Variants in CYP4A22 observed in about 807,000 individuals in gnomAD.
CYP4A22 encodes the protein cytochrome P450 4A22.
Under a neutral mutation model 56.2 loss-of-function variants are expected in CYP4A22, and 46 were observed. That is an observed-to-expected ratio of 0.82 (90% CI 0.65 to 1.05). The LOEUF (loss-of-function observed/expected upper bound fraction) is 1.05. Among genes scored for constraint, CYP4A22 ranks in the 50% least tolerant of loss-of-function variants. The pLI is 0.00. For synonymous variants in CYP4A22, 193 were observed against 251.1 expected, an observed-to-expected ratio of 0.77 and a Z score of 2.19; for missense variants, 541 against 645.9, an observed-to-expected ratio of 0.84 and a Z score of 1.76.
intron 2 of CYP4A22, among the ~76,000 whole-genome samples, chr1:47,141,260 C>A (rs1309633979): frequency 6.6e-6 from 1 of 152,168 alleles, no homozygotes; most frequent in Non-Finnish European, 1.5e-5. Context: ...CTGTCCTGGT[C>A]AGGAGGTGAC....
chr1:47,141,218 A>G (rs1480392075), intron 2 of CYP4A22, among the ~76,000 whole-genome samples: 1 of 152,226 alleles, frequency 6.6e-6, no homozygotes, highest in East Asian at 1.9e-4. Context: ...TCATACCCAC[A>G]TTGACTTGGG....
intron 11 of CYP4A22, 40 bp from the exon 12 acceptor site, chr1:47,148,562 C>A: frequency 6.4e-7 from 1 of 1,570,216 alleles, no homozygotes; most frequent in East Asian, 2.2e-5. Context: ...AGAATGGGGC[C>A]TGAGGACACG....
intron 11 of CYP4A22, among the ~76,000 whole-genome samples, chr1:47,147,924 G>T (rs1645093436): frequency 6.6e-6 from 1 of 152,208 alleles, no homozygotes. Context: ...AATCCAGAAA[G>T]TCCAAGTGAC....
intron 1 of CYP4A22, 54 bp downstream of exon 1, chr1:47,137,734 G>A (rs1644959980): frequency 6.5e-7 from 1 of 1,546,718 alleles, no homozygotes; most frequent in Admixed American, 2.0e-5. Context: ...GCGGCTCTGA[G>A]ACCCTGGTCA....
rs1401655572 is a variant in CYP4A22 at position 47,149,410 on chromosome 1, CTTTG to C, written c.*618_*621del. ...CACCCCCCATTCTCACCACCTGTTT[CTTTG>C]TTTGATCACCAATAAATAATCTGCA... On this transcript the variant is annotated 3_prime_UTR_variant, in exon 12 of 12. Transcript: ENST00000371891. 1.3e-5 allele frequency: 2 copies of C among 152,980 alleles called. No individual in the cohort carries two copies. The highest frequency in any genetic ancestry group is 3.9e-4 in the East Asian group (2 of 5,194). 9.5% of individuals were successfully genotyped at this position (152,980 alleles called of 1,614,324 possible). A position where few individuals can be genotyped will look rare whatever the true frequency, so the allele number is the denominator to read the frequency against.
chr1:47,141,968 G>C, intron 3 of CYP4A22, 140 bp from the exon 4 acceptor site: 3 of 1,259,802 alleles, frequency 2.4e-6, no homozygotes, highest in Non-Finnish European at 3.2e-6. Flanking sequence ...TCCTTTTCCT[G>C]CATTTGCCCA....
chr1:47,145,560 T>C (rs559759940), intron 9 of CYP4A22, among the ~76,000 whole-genome samples: 2 of 152,244 alleles, frequency 1.3e-5, no homozygotes, highest in Admixed American at 6.5e-5. Flanking sequence ...AGTGAGTTCA[T>C]GTATATTCTC....
rs532237456 is a variant in CYP4A22, at chr1:47,144,725, G to A, written c.1073G>A (p.Gly358Glu). The change falls in exon 8 of 12, where the codon GGA becomes GAA. Residue 358 changes from glycine to glutamate, a missense_variant. Physicochemically the swap from Gly to Glu is moderately conservative, Grantham distance 98 (BLOSUM62 -2). This residue lies in a region of CYP4A22 where 204 missense variants were observed against 258.9 expected (regional missense o/e 0.79). Coordinates refer to ENST00000371891, the MANE Select transcript of CYP4A22 (RefSeq NM_001010969.4). ...GAGATCCATGGCCTCCTGGGTGATG[G>A]AGCCTCCATCACCTGGTGAGTGAGG... ...REEIHGLLGDGASITWNHLDQ... is the reference protein window; with the variant it reads ...REEIHGLLGDEASITWNHLDQ... 178 of 1,613,960 alleles carry A rather than the reference G, an allele frequency of 1.1e-4. 2 individuals carry two copies. The highest frequency in any genetic ancestry group is 1.4e-5 in the Non-Finnish European group (17 of 1,179,900).
In CYP4A22 at chr1:47,137,660, C is replaced by T; in HGVS notation, c.175C>T (p.Leu59Phe). ...GTTCCCGTGCCCTCCCTCCCACTGGCTCTTCGGGCACATCCAGGAGGTAGG... is the reference window on the plus strand; with the variant it reads ...GTTCCCGTGCCCTCCCTCCCACTGGTTCTTCGGGCACATCCAGGAGGTAGG... The part of the protein sequence containing the change: ...QQFPCPPSHW[L>F]FGHIQEFQHD... Residue 59 changes from leucine to phenylalanine, a missense_variant, in exon 1 of 12, where the codon CTC becomes TTC. Leu to Phe is a conservative substitution (Grantham distance 22, BLOSUM62 0). Coordinates refer to ENST00000371891, the MANE Select transcript of CYP4A22 (RefSeq NM_001010969.4). The T allele has an allele frequency of 1.2e-6, 2 of 1,612,542 alleles. No homozygotes were observed. Among genetic ancestry groups the T allele is most frequent in the South Asian group, 1.1e-5 (1 of 90,796 alleles).
At chr1:47,138,466 C>CCGG (rs2148552458) in intron 1 of CYP4A22, among the ~76,000 whole-genome samples, 1 of 152,296 alleles carries the variant, frequency 6.6e-6, no homozygotes, top group East Asian at 1.9e-4. Flanking sequence ...TTCCTGTGCC[C>CCGG]CGGCAATCAG....
Position 47,140,805 on chromosome 1 carries a change from G to C in CYP4A22, c.221G>C (p.Arg74Pro). ...QEFQHDQELQ[R>P]IQERVKTFPS... ...TTCCAACACGACCAGGAGCTACAACGGATTCAGGAACGGGTGAAGACATTC... is the reference window on the plus strand; with the variant it reads ...TTCCAACACGACCAGGAGCTACAACCGATTCAGGAACGGGTGAAGACATTC... The change falls in exon 2 of 12, where the codon CGG (arginine) becomes CCG (proline). Residue 74 changes from arginine to proline, a missense_variant. By Grantham distance (103) the Arg-to-Pro change is moderately radical. Coordinates refer to ENST00000371891, the MANE Select transcript of CYP4A22 (RefSeq NM_001010969.4). 1 of 1,614,142 alleles carries C rather than the reference G, an allele frequency of 6.2e-7. No homozygotes were observed. Among genetic ancestry groups the C allele is most frequent in the Middle Eastern group, 1.6e-4 (1 of 6,062 alleles).
intron 11 of CYP4A22, chr1:47,147,537 A>G: frequency 9.7e-6 from 7 of 722,988 alleles, no homozygotes; most frequent in Non-Finnish European, 1.2e-5. Flanking sequence ...TCACTCATTC[A>G]CTCACTGAGT....
At chr1:47,144,111 C>T (rs575084287) in intron 6 of CYP4A22, among the ~76,000 whole-genome samples, 195 bp downstream of exon 6, 129 of 152,342 alleles carry the variant, frequency 8.5e-4, no homozygotes, top group African/African-American at 3.0e-3. Flanking sequence ...TCAATGTCCC[C>T]ACATGGAGAT....
intron 4 of CYP4A22, 72 bp from the exon 5 acceptor site, chr1:47,143,197 A>T: frequency 1.9e-6 from 3 of 1,549,840 alleles, no homozygotes; most frequent in South Asian, 1.3e-5. Context: ...CTGCAGGTAC[A>T]TGAAAAAGCC....
chr1:47,144,903 G>A lies in CYP4A22; in HGVS notation c.1155G>A (p.Pro385=), dbSNP rs779058871. The A allele has an allele frequency of 2.0e-5, 33 of 1,614,032 alleles. No individual in the cohort carries two copies. The highest frequency in any genetic ancestry group is 4.4e-5 in the South Asian group (4 of 91,080). The change falls in exon 9 of 12, where the codon CCG becomes CCA. Residue 385 remains proline (P), a synonymous_variant. Transcript: ENST00000371891. ...CIKEALRLYP[P]VPGIGRELST... Reference sequence around the variant, plus strand: ...AGGAGGCACTGAGGCTCTACCCACCGGTGCCAGGCATTGGAAGAGAGCTCA... The same window carrying A: ...AGGAGGCACTGAGGCTCTACCCACCAGTGCCAGGCATTGGAAGAGAGCTCA...
chr1:47,140,753 T>C, intron 1 of CYP4A22, 27 bp from the exon 2 acceptor site: 1 of 1,613,196 alleles, frequency 6.2e-7, no homozygotes, highest in Admixed American at 1.7e-5. Flanking sequence ...TAAATGAAAG[T>C]GTTCATCTGT....
At chr1:47,148,447 G>T (rs1279791651) in intron 11 of CYP4A22, among the ~76,000 whole-genome samples, 155 bp from the exon 12 acceptor site, 1 of 152,246 alleles carries the variant, frequency 6.6e-6, no homozygotes. Context: ...CCAGGATGGG[G>T]TAGAAGTGTC....
At position 47,140,632 on chromosome 1, in the gene CYP4A22, A is replaced by C. The variant is rs1229791068; in HGVS notation, c.196-148A>C. ...CTAAGGTCAAGTCCTGGGGAGATAC[A>C]AAGAATCTGGATCACAGCTCAGGTC... On this transcript the variant is annotated intron_variant, in intron 1 of 11. Coordinates refer to ENST00000371891, the MANE Select transcript of CYP4A22 (RefSeq NM_001010969.4). The C allele has an allele frequency of 9.2e-5, 116 of 1,265,488 alleles. No individual in the cohort carries two copies. In the East Asian group the frequency reaches 2.3e-3, roughly 25 times the overall value. The allele number at this position is 1,265,488 out of a possible 1,614,324, so 78.4% of individuals were successfully genotyped here.
At chr1:47,143,646 C>T (rs1645038957) in intron 5 of CYP4A22, 116 bp from the exon 6 acceptor site, 3 of 1,416,778 alleles carry the variant, frequency 2.1e-6, no homozygotes, top group African/African-American at 2.9e-5. Flanking sequence ...ATAGAAGAAA[C>T]ATTGCCTCAA....
Sources: allele counts gnomAD v4.1 joint callset (sites outside exome capture counted in the v4.1 genomes callset), GRCh38; gene constraint gnomAD v4.1.1; regional missense constraint gnomAD v4.1.1; transcripts MANE v1.5; gene names NCBI Gene and HGNC (gene_info 2026-07-23, HGNC 2026-07-21).